Variants in INO80 observed in about 807,000 individuals in gnomAD.
INO80 encodes the protein INO80 complex ATPase subunit.
A neutral mutation model predicts 203.4 loss-of-function variants in INO80; 20 were observed. The observed-to-expected ratio is 0.10, with a 90% confidence interval of 0.07 to 0.14. The LOEUF (loss-of-function observed/expected upper bound fraction) is 0.14, where lower values mean the gene tolerates loss of function less well. INO80 is among the 10% of genes least tolerant of loss of function. The pLI is 1.00. For synonymous variants in INO80, 726 were observed against 685.2 expected (o/e 1.06, Z -0.93); for missense variants, 1,419 against 1,914.4 (o/e 0.74, Z 4.83).
intron 14 of INO80, among the ~76,000 whole-genome samples, chr15:41,065,976 TA>T (rs2045205024): frequency 6.6e-6 from 1 of 150,924 alleles, no homozygotes; most frequent in Admixed American, 6.6e-5. Flanking sequence ...CACCTAATGC[TA>T]CTACATTGTA....
Position 40,984,309 on chromosome 15 carries a change from C to T in INO80, c.3965G>A (p.Gly1322Asp), listed in dbSNP as rs192922587. Reference protein sequence around the residue: ...DELDGKRRKEGVNLVIPFVPS... With the variant: ...DELDGKRRKEDVNLVIPFVPS... Reference sequence around the variant, plus strand: ...AACAAATGGGATCACCAGGTTCACACCCTCTTTTCTCCTTTTCCCATCCAA... The same window carrying T: ...AACAAATGGGATCACCAGGTTCACATCCTCTTTTCTCCTTTTCCCATCCAA... The change falls in exon 33 of 36, where the codon GGT (glycine) becomes GAT (aspartate). Residue 1322 changes from glycine to aspartate, a missense_variant. Gly to Asp is a moderately conservative substitution (Grantham distance 94, BLOSUM62 -1). Coordinates refer to ENST00000648947, the MANE Select transcript of INO80 (RefSeq NM_017553.3). The T allele has an allele frequency of 9.9e-6, 16 of 1,614,176 alleles. No homozygotes were observed. The Middle Eastern group carries it at 4.9e-4, about 50-fold the overall frequency.
At chr15:41,089,839 T>G (rs1233537331) in intron 5 of INO80, among the ~76,000 whole-genome samples, 1 of 151,524 alleles carries the variant, frequency 6.6e-6, no homozygotes, top group Non-Finnish European at 1.5e-5. Context: ...TGTTAGTGTA[T>G]GAAGAGCTTT....
intron 29 of INO80, among the ~76,000 whole-genome samples, chr15:40,991,850 T>C (rs2043820857): frequency 6.6e-6 from 1 of 152,012 alleles, no homozygotes; most frequent in South Asian, 2.1e-4. Context: ...CTTGACTCAC[T>C]GCAAGCTCCG....
chr15:41,079,676 T>C, intron 9 of INO80, 25 bp downstream of exon 9: 7 of 1,610,572 alleles, frequency 4.3e-6, no homozygotes, highest in Non-Finnish European at 5.1e-6. Context: ...ATTAGGGTTT[T>C]CAAAATGTTA....
intron 23 of INO80, 48 bp from the exon 24 acceptor site, chr15:41,045,123 T>G: frequency 6.8e-7 from 1 of 1,468,188 alleles, no homozygotes; most frequent in Non-Finnish European, 9.1e-7. Flanking sequence ...CCATGGAGGT[T>G]TGAGGGTCGT....
At position 41,095,749 on chromosome 15, in the gene INO80, C is replaced by G; in HGVS notation, c.313+10G>C. ...CGATAGTCCAAAGGGGGATGTCACACCACACTGACCTGACTGTAGAACTCC... is the reference window on the plus strand; with the variant it reads ...CGATAGTCCAAAGGGGGATGTCACAGCACACTGACCTGACTGTAGAACTCC... On this transcript the variant is annotated intron_variant, in intron 3 of 35. Transcript: ENST00000648947. The G allele has an allele frequency of 6.2e-7, 1 of 1,613,896 alleles. No homozygotes were observed. The highest frequency in any genetic ancestry group is 8.5e-7 in the Non-Finnish European group (1 of 1,179,848).
chr15:41,112,786 C>CAA (rs893121991), intron 1 of INO80, among the ~76,000 whole-genome samples: 210 of 19,140 alleles, frequency 0.011, 20 homozygotes, highest in East Asian at 0.022. Context: ...GACTCCATCT[C>CAA]AAAAAAAAAA....
chr15:41,006,149 A>T (rs2140439752), intron 27 of INO80, among the ~76,000 whole-genome samples: 1 of 152,252 alleles, frequency 6.6e-6, no homozygotes. Context: ...TCCTTCTCCC[A>T]ACAGAGCATG....
intron 25 of INO80, among the ~76,000 whole-genome samples, chr15:41,026,576 C>CA (rs1298510355): frequency 3.3e-5 from 5 of 150,538 alleles, no homozygotes; most frequent in African/African-American, 7.3e-5. Flanking sequence ...AAAACAAAAA[C>CA]AAAAAAAACC....
chr15:40,981,651 G>T (rs1036270558), intron 35 of INO80, among the ~76,000 whole-genome samples: 1 of 152,134 alleles, frequency 6.6e-6, no homozygotes, highest in Non-Finnish European at 1.5e-5. Flanking sequence ...CCCACGTATT[G>T]AATGGGAAGA....
At chr15:41,108,941 C>A (rs1393306698) in intron 1 of INO80, 3 of 155,594 alleles carry the variant, frequency 1.9e-5, no homozygotes, top group African/African-American at 4.8e-5. Flanking sequence ...GGGAGGCCAG[C>A]AAAAGACTGG....
Position 41,046,202 on chromosome 15 carries a change from C to CATATATATATAT in INO80, c.2736-1128_2736-1127insATATATATATAT, listed in dbSNP as rs1205932520. On this transcript the variant is annotated intron_variant, in intron 23 of 35. Coordinates refer to ENST00000648947, the MANE Select transcript of INO80 (RefSeq NM_017553.3). ...CTGTGTGTGTCTCTGTGTGCGTATA[C>CATATATATATAT]ATACATATATATATATATATATATA... Among the ~76,000 whole-genome samples, 103 of 109,466 alleles carry CATATATATATAT rather than the reference C, an allele frequency of 9.4e-4. 17 individuals are homozygous for CATATATATATAT. The highest frequency in any genetic ancestry group is 1.2e-3 in the South Asian group (4 of 3,262). 71.8% of individuals were successfully genotyped at this position (109,466 alleles called of 152,430 possible). A position where few individuals can be genotyped will look rare whatever the true frequency, so the allele number is the denominator to read the frequency against.
Position 41,045,018 on chromosome 15 carries a change from G to A in INO80, c.2793C>T (p.Ser931=). ...GGCTCTCCCCTTCTGGCGCTCCCCA[G>A]GAGCGTAGCTGATGGAGCCTGTAGG... is the stretch of plus-strand genomic sequence containing the variant. ...KASYRLHQLR[S]WGAPEGESHQ... is the part of the protein sequence containing the mutation. The change falls in exon 24 of 36, where the codon TCC becomes TCT. Residue 931 remains serine, a synonymous_variant. Coordinates refer to ENST00000648947, the MANE Select transcript of INO80 (RefSeq NM_017553.3). 1 of 1,613,610 alleles carries A rather than the reference G, an allele frequency of 6.2e-7. No individual in the cohort carries two copies. The highest frequency in any genetic ancestry group is 1.3e-5 in the African/African-American group (1 of 74,966).
chr15:41,100,344 G>A (rs941735349), intron 1 of INO80, among the ~76,000 whole-genome samples: 9 of 152,154 alleles, frequency 5.9e-5, no homozygotes, highest in Admixed American at 1.3e-4. Context: ...AAAGTGCTGG[G>A]ATTACAGGTG....
At chr15:41,114,539 T>C (rs1225618997) in intron 1 of INO80, among the ~76,000 whole-genome samples, 1 of 151,680 alleles carries the variant, frequency 6.6e-6, no homozygotes, top group Non-Finnish European at 1.5e-5. Context: ...TGAAACCCCG[T>C]TTCTACTAAA....
intron 24 of INO80, among the ~76,000 whole-genome samples, chr15:41,031,231 A>G (rs1013064213): frequency 6.6e-6 from 1 of 152,112 alleles, no homozygotes; most frequent in East Asian, 2.0e-4. Context: ...CCACCACACT[A>G]TCCAATTTCC....
chr15:41,055,187 C>G, intron 18 of INO80, 60 bp downstream of exon 18: 2 of 804,074 alleles, frequency 2.5e-6, no homozygotes, highest in Non-Finnish European at 3.9e-6. Context: ...AGAAAATATG[C>G]AATTACGTGG....
Position 41,031,609 on chromosome 15 carries a change from GGGAGGAGGGAGGA to G in INO80, c.2908-3886_2908-3874del, listed in dbSNP as rs2044472618. ...AGGAAGGGAGGGAGGGAGGGAGGAAGGGAGGAGGGAGGAAGGGAGGAAGGGAGGAAGGGAGGAA... is the reference window on the plus strand; with the variant it reads ...AGGAAGGGAGGGAGGGAGGGAGGAAGAGGGAGGAAGGGAGGAAGGGAGGAA... On this transcript the variant is annotated intron_variant, in intron 24 of 35. Coordinates refer to ENST00000648947, the MANE Select transcript of INO80 (RefSeq NM_017553.3). 1.0e-3 allele frequency among the ~76,000 whole-genome samples: 3 copies of G among 2,910 alleles called. 1 individual carries two copies. Among genetic ancestry groups the G allele is most frequent in the African/African-American group, 1.9e-3 (3 of 1,556 alleles). The allele number at this position is 2,910 out of a possible 152,430, so 1.9% of individuals were successfully genotyped here. A position where few individuals can be genotyped will look rare whatever the true frequency, so the allele number is the denominator to read the frequency against.
intron 24 of INO80, among the ~76,000 whole-genome samples, chr15:41,039,852 C>T (rs993460030): frequency 6.6e-6 from 1 of 152,158 alleles, no homozygotes; most frequent in Non-Finnish European, 1.5e-5. Context: ...CTGCTCACAT[C>T]GGTGGTTTCC....
Sources: allele counts gnomAD v4.1 joint callset (sites outside exome capture counted in the v4.1 genomes callset), GRCh38; gene constraint gnomAD v4.1.1; transcripts MANE v1.5; gene names NCBI Gene and HGNC (gene_info 2026-07-23, HGNC 2026-07-21).